Variants in RAI14 observed in about 807,000 individuals in gnomAD.
RAI14 encodes retinoic acid induced 14.
In RAI14, 45 loss-of-function variants were observed where a neutral mutation model predicts 115.4. That is an observed-to-expected ratio of 0.39 (90% CI 0.31 to 0.50). RAI14 has a LOEUF of 0.50. Among genes scored for constraint, RAI14 ranks in the 20% least tolerant of loss-of-function variants. The pLI, the probability that RAI14 is intolerant of heterozygous loss-of-function variation, is 0.85. For synonymous variants in RAI14, 371 were observed against 415.4 expected, an observed-to-expected ratio of 0.89 and a Z score of 1.30; for missense variants, 939 against 1,131.2, an observed-to-expected ratio of 0.83 and a Z score of 2.44.
chr5:34,741,334 A>G (rs1260879148), intron 2 of RAI14, among the ~76,000 whole-genome samples: 2 of 152,226 alleles, frequency 1.3e-5, no homozygotes, highest in East Asian at 1.9e-4. Flanking sequence ...GGTCACACAC[A>G]TGGTAGAGCC....
chr5:34,788,830 A>G (rs989465817), intron 3 of RAI14, among the ~76,000 whole-genome samples: 98 of 152,112 alleles, frequency 6.4e-4, no homozygotes, highest in African/African-American at 2.3e-3. Flanking sequence ...TTAGCCAGGC[A>G]TGGTGGCACA....
intron 16 of RAI14, 144 bp from the exon 17 acceptor site, chr5:34,829,588 A>G (rs540186709): frequency 1.7e-5 from 10 of 581,758 alleles, no homozygotes; most frequent in African/African-American, 1.5e-4. Context: ...GTAAGGCCAC[A>G]ACAATTTTAG....
intron 2 of RAI14, among the ~76,000 whole-genome samples, chr5:34,718,107 C>T (rs1444889554): frequency 6.6e-6 from 1 of 152,150 alleles, no homozygotes; most frequent in Admixed American, 6.5e-5. Context: ...ATCATTTCCT[C>T]AGGACGGAAT....
intron 2 of RAI14, among the ~76,000 whole-genome samples, chr5:34,708,842 A>G (rs988370301): frequency 6.6e-5 from 10 of 152,122 alleles, no homozygotes; most frequent in Admixed American, 3.3e-4. Flanking sequence ...AACATTGCCA[A>G]TCTAATAATG....
chr5:34,753,098 A>G (rs923444567), intron 2 of RAI14, among the ~76,000 whole-genome samples: 6 of 152,120 alleles, frequency 3.9e-5, no homozygotes, highest in Non-Finnish European at 5.9e-5. Context: ...GTTGAAAACT[A>G]TAAGAGGACC....
At chr5:34,706,880 A>G (rs1740754924) in intron 2 of RAI14, among the ~76,000 whole-genome samples, 1 of 152,164 alleles carries the variant, frequency 6.6e-6, no homozygotes, top group Admixed American at 6.5e-5. Context: ...AAAGTTTTTC[A>G]TCTTCCTTAA....
At chr5:34,796,369 G>A (rs336464) in intron 4 of RAI14, among the ~76,000 whole-genome samples, 6,840 of 149,438 alleles carry the variant, frequency 0.046, 535 homozygotes, top group African/African-American at 0.16. Context: ...CTGCACTCCA[G>A]CCTGGGCAAC....
At chr5:34,781,502 G>A (rs763099418) in intron 3 of RAI14, among the ~76,000 whole-genome samples, 29 of 152,278 alleles carry the variant, frequency 1.9e-4, no homozygotes, top group African/African-American at 7.0e-4. Flanking sequence ...AACTACCTCA[G>A]AGGGCTCACT....
chr5:34,757,760 C>G (rs1748092122), intron 3 of RAI14, 162 bp downstream of exon 3: 1 of 950,074 alleles, frequency 1.1e-6, no homozygotes, highest in Admixed American at 3.6e-5. Flanking sequence ...TCTCCAAATT[C>G]CAAGTCACAT....
intron 2 of RAI14, among the ~76,000 whole-genome samples, chr5:34,717,923 C>T (rs951643376): frequency 6.6e-6 from 1 of 151,600 alleles, no homozygotes; most frequent in Non-Finnish European, 1.5e-5. Context: ...CCACCACATC[C>T]TTCCAACCCT....
rs533617224 is a variant in RAI14 at position 34,791,458 on chromosome 5, C to T, written c.168-4481C>T. On this transcript the variant is annotated intron_variant, in intron 3 of 17. Coordinates refer to ENST00000265109, the MANE Select transcript of RAI14 (RefSeq NM_015577.3). The surrounding 1 kb of genome is among the most constrained non-coding windows in gnomAD (Gnocchi z 5.4). ...CCCATTACATTTTAGCCACAATGCC[C>T]GTATATTAAATAAGCAAACAAACTA... Among the ~76,000 whole-genome samples the T allele has an allele frequency of 2.8e-4, 42 of 151,562 alleles. No homozygotes were observed. The highest frequency in any genetic ancestry group is 3.7e-4 in the Non-Finnish European group (25 of 67,940).
intron 3 of RAI14, among the ~76,000 whole-genome samples, chr5:34,790,439 A>AC (rs1485543521): frequency 1.3e-5 from 2 of 152,218 alleles, no homozygotes; most frequent in Non-Finnish European, 2.9e-5. Flanking sequence ...AAAAGAGTGC[A>AC]CTGACCATTT....
intron 2 of RAI14, among the ~76,000 whole-genome samples, chr5:34,691,376 C>T (rs7702728): frequency 4.6e-5 from 7 of 151,934 alleles, no homozygotes; most frequent in African/African-American, 7.3e-5. Context: ...ATTAAGCGAG[C>T]GCAGAGTTCT....
chr5:34,829,280 TA>T (rs1439396553), intron 16 of RAI14, among the ~76,000 whole-genome samples: 2 of 151,952 alleles, frequency 1.3e-5, no homozygotes, highest in African/African-American at 4.8e-5. Flanking sequence ...CTCTGCCTCC[TA>T]GGTTCAAGCG....
chr5:34,707,392 G>GGCA, intron 2 of RAI14, among the ~76,000 whole-genome samples: 1 of 152,196 alleles, frequency 6.6e-6, no homozygotes, highest in Non-Finnish European at 1.5e-5. Flanking sequence ...TCTTGAACCT[G>GGCA]GGAGGCGGGA....
In RAI14 at chr5:34,807,810, C is replaced by T; in HGVS notation, c.332C>T (p.Pro111Leu). ...ATTTTTGTCTTATAGTCTAAATGCC[C>T]AGCCGAAAGTGTCGACAGCTCTGGG... ...CIRKLLQSKC[P>L]AESVDSSGKT... Residue 111 changes from proline to leucine, a missense_variant, in exon 6 of 18, where the codon CCA (proline) becomes CTA (leucine). Coordinates refer to ENST00000265109, the MANE Select transcript of RAI14 (RefSeq NM_015577.3). 6.2e-7 allele frequency: 1 copy of T among 1,609,588 alleles called. No homozygotes were observed.
intron 7 of RAI14, 135 bp downstream of exon 7, chr5:34,808,789 A>G (rs1264854234): frequency 1.2e-6 from 1 of 810,336 alleles, no homozygotes; most frequent in Non-Finnish European, 2.0e-6. Flanking sequence ...TTTGAGGAAG[A>G]TAATTTTTCC....
At chr5:34,780,390 A>G (rs951456341) in intron 3 of RAI14, among the ~76,000 whole-genome samples, 2 of 152,224 alleles carry the variant, frequency 1.3e-5, no homozygotes, top group African/African-American at 4.8e-5. Context: ...ATTAAACTAA[A>G]GAGCTTCTGC....
chr5:34,809,745 C>T (rs1755362890), intron 7 of RAI14, among the ~76,000 whole-genome samples: 2 of 151,992 alleles, frequency 1.3e-5, no homozygotes, highest in African/African-American at 4.8e-5. Context: ...AATGTAATTA[C>T]AAATAAAGCT....
Sources: gnomAD v4.1 joint callset for allele counts (sites outside exome capture counted in the v4.1 genomes callset) on GRCh38, gnomAD v4.1.1 for gene constraint, Gnocchi (gnomAD v3.1) non-coding constraint, MANE v1.5 for transcripts, NCBI Gene and HGNC (gene_info 2026-07-23, HGNC 2026-07-21) for gene names.